The following FHIT variants were observed in gnomAD, a reference collection of about 807,000 sequenced individuals.
FHIT encodes the protein fragile histidine triad diadenosine triphosphatase, also known as bis(5'-adenosyl)-triphosphatase.
Under a neutral mutation model 17.9 loss-of-function variants are expected in FHIT, and 19 were observed. The observed-to-expected ratio is 1.06, with a 90% CI of 0.74 to 1.56. The LOEUF is 1.56. Among genes scored for constraint, FHIT ranks in the 40% most tolerant of loss-of-function variants. The pLI is 0.00. For synonymous variants in FHIT, 81 were observed against 69.7 expected (o/e 1.16, Z -0.81); for missense variants, 248 against 189.2 (o/e 1.31, Z -1.82).
In FHIT at chr3:60,157,408, A is replaced by T. The variant is rs191568859; in HGVS notation, c.104-143256T>A. ...CAATTCTCTGGCTGGCTGTCTACTC[A>T]TCTTTAAAATGAGAGTTTTGATTAG... On this transcript the variant is annotated intron_variant, in intron 5 of 9. Transcript: ENST00000492590. Among the ~76,000 whole-genome samples, 12 of 152,298 alleles carry T rather than the reference A, an allele frequency of 7.9e-5. No individual in the cohort carries two copies. The East Asian group carries it at 2.3e-3, about 29-fold the overall frequency.
intron 8 of FHIT, among the ~76,000 whole-genome samples, chr3:59,827,950 G>A (rs553712306): frequency 5.3e-5 from 8 of 152,230 alleles, no homozygotes; most frequent in Non-Finnish European, 1.0e-4. Context: ...TGCTCATCTC[G>A]AGATGAATTA....
At chr3:60,318,922 A>G (rs1039000095) in intron 5 of FHIT, among the ~76,000 whole-genome samples, 6 of 152,082 alleles carry the variant, frequency 3.9e-5, no homozygotes, top group Non-Finnish European at 7.4e-5. Context: ...GTGGCTGCCT[A>G]TACTCCTTGG....
chr3:60,162,621 T>C (rs1318880539), intron 5 of FHIT, among the ~76,000 whole-genome samples: 1 of 152,222 alleles, frequency 6.6e-6, no homozygotes, highest in Non-Finnish European at 1.5e-5. Context: ...CATCTTATTC[T>C]AATGCTAACT....
chr3:60,453,313 T>C (rs1381317795), intron 5 of FHIT, among the ~76,000 whole-genome samples: 3 of 152,090 alleles, frequency 2.0e-5, no homozygotes, highest in Non-Finnish European at 4.4e-5. Context: ...GGATGGTCCT[T>C]ACTTTAAAAA....
In FHIT at chr3:61,182,645, A is replaced by G. The variant is rs2038376977; in HGVS notation, c.-164+17972T>C. Among the ~76,000 whole-genome samples the G allele has an allele frequency of 2.0e-5, 3 of 152,162 alleles. No individual in the cohort carries two copies. In the South Asian group the frequency reaches 6.2e-4, roughly 31 times the overall value. On this transcript the variant is annotated intron_variant, in intron 2 of 9. Transcript: ENST00000492590. Reference sequence around the variant, plus strand: ...GAGTAAATGAATGATAGAATTCTCAACACCCCTCCATCCTGTCCTATTAAT... The same window carrying G: ...GAGTAAATGAATGATAGAATTCTCAGCACCCCTCCATCCTGTCCTATTAAT...
At position 61,143,904 on chromosome 3, in the gene FHIT, T is replaced by G. The variant is rs1234518997; in HGVS notation, c.-164+56713A>C. ...AACAAACAAAACTGCAGATCTGTTT[T>G]TGGAGTTTTAAAGTGAAAAATTGCA... On this transcript the variant is annotated intron_variant, in intron 2 of 9. Transcript: ENST00000492590. Among the ~76,000 whole-genome samples, 4 of 152,236 alleles carry G rather than the reference T, an allele frequency of 2.6e-5. No homozygotes were observed. In the East Asian group the frequency reaches 7.7e-4, roughly 29 times the overall value.
At position 60,908,420 on chromosome 3, in the gene FHIT, A is replaced by T. The variant is rs185123327; in HGVS notation, c.-110-86409T>A. Among the ~76,000 whole-genome samples, 315 of 152,306 alleles carry T rather than the reference A, an allele frequency of 2.1e-3. 1 individual carries two copies. The highest frequency in any genetic ancestry group is 3.2e-3 in the Non-Finnish European group (221 of 68,028). On this transcript the variant is annotated intron_variant, in intron 3 of 9. Transcript: ENST00000492590. ...CATTTCCTCAGTAGGTAGCCCCAAA[A>T]GACCCCTGACACAGTAGAAATTATA...
intron 4 of FHIT, among the ~76,000 whole-genome samples, chr3:60,544,217 C>A (rs930930109): frequency 1.3e-5 from 2 of 151,612 alleles, no homozygotes; most frequent in East Asian, 1.9e-4. Context: ...TTTTCTTGTT[C>A]CTGACCTTAA....
intron 3 of FHIT, among the ~76,000 whole-genome samples, chr3:60,989,564 G>A (rs528444971): frequency 2.0e-5 from 3 of 152,216 alleles, no homozygotes; most frequent in East Asian, 3.9e-4. Context: ...GCTTATCAAC[G>A]TTGTCAACTG....
intron 5 of FHIT, among the ~76,000 whole-genome samples, chr3:60,458,775 T>C (rs2032275287): frequency 6.6e-6 from 1 of 151,996 alleles, no homozygotes; most frequent in Non-Finnish European, 1.5e-5. Context: ...ATGTGCATTC[T>C]ACTATATATA....
At chr3:59,873,163 C>T (rs1453721913) in intron 8 of FHIT, among the ~76,000 whole-genome samples, 1 of 152,284 alleles carries the variant, frequency 6.6e-6, no homozygotes, top group African/African-American at 2.4e-5. Flanking sequence ...TCACTTGTTT[C>T]CTCATCTCCA....
chr3:60,831,101 T>G (rs910868177), intron 3 of FHIT, among the ~76,000 whole-genome samples: 2 of 152,048 alleles, frequency 1.3e-5, no homozygotes, highest in Non-Finnish European at 2.9e-5. Context: ...AACTAGTTGA[T>G]AAACAGAAAA....
rs369877849 is a variant in FHIT, at chr3:60,725,000, G to A, written c.-18+96919C>T. 8.5e-5 allele frequency among the ~76,000 whole-genome samples: 13 copies of A among 152,142 alleles called. No individual in the cohort carries two copies. In the East Asian group the frequency reaches 1.4e-3, roughly 16 times the overall value. ...CTTAGTGGGTGTGATGTGGTATCTC[G>A]TAATGGTTTTGATTTGCACTTCCCT... On this transcript the variant is annotated intron_variant, in intron 4 of 9. Transcript: ENST00000492590.
intron 4 of FHIT, among the ~76,000 whole-genome samples, chr3:60,765,882 C>T (rs1278181944): frequency 6.6e-6 from 1 of 152,158 alleles, no homozygotes; most frequent in African/African-American, 2.4e-5. Context: ...TTCTCCCATG[C>T]TGGATGCCTC....
At chr3:59,821,197 A>C (rs1478499567) in intron 8 of FHIT, among the ~76,000 whole-genome samples, 1 of 152,188 alleles carries the variant, frequency 6.6e-6, no homozygotes, top group East Asian at 1.9e-4. Context: ...TTGAGGAAGA[A>C]ATTCTGAGAA....
chr3:59,899,681 A>G (rs971459298), intron 8 of FHIT, among the ~76,000 whole-genome samples: 2 of 151,756 alleles, frequency 1.3e-5, no homozygotes, highest in African/African-American at 4.8e-5. Flanking sequence ...TAAAATACAA[A>G]AAAACAAAAA....
chr3:60,992,262 C>T (rs547387041), intron 3 of FHIT, among the ~76,000 whole-genome samples: 1 of 152,244 alleles, frequency 6.6e-6, no homozygotes, highest in South Asian at 2.1e-4. Flanking sequence ...AGGGAGCCTG[C>T]CAGGGTGCTG....
rs942310800 is a variant in FHIT at position 60,796,270 on chromosome 3, A to T, written c.-18+25649T>A. On this transcript the variant is annotated intron_variant, in intron 4 of 9. Transcript: ENST00000492590. ...AAGGAGACAGTATTTGAGCTTATTT[A>T]TGTTTCTTATGGATTTATTTTTAAA... Among the ~76,000 whole-genome samples, 5 of 152,042 alleles carry T rather than the reference A, an allele frequency of 3.3e-5. No homozygotes were observed. The South Asian group carries it at 1.0e-3, about 32-fold the overall frequency.
intron 1 of FHIT, among the ~76,000 whole-genome samples, chr3:61,228,844 G>A (rs758881459): frequency 6.6e-6 from 1 of 152,286 alleles, no homozygotes; most frequent in South Asian, 2.1e-4. Context: ...TCATACATTC[G>A]ATGGGTCATT....
Sources: gnomAD v4.1 joint callset for allele counts (sites outside exome capture counted in the v4.1 genomes callset) on GRCh38, gnomAD v4.1.1 for gene constraint, MANE v1.5 for transcripts, NCBI Gene and HGNC (gene_info 2026-07-23, HGNC 2026-07-21) for gene names.